The following ANKRD62 variants were observed in gnomAD, a reference collection of about 807,000 sequenced individuals.
ANKRD62 encodes the protein ankyrin repeat domain-containing protein 62.
Under a neutral mutation model 98.8 loss-of-function variants are expected in ANKRD62, and 61 were observed. The ratio of observed to expected loss-of-function variants is 0.62; its 90% CI spans 0.50 to 0.76. The LOEUF (loss-of-function observed/expected upper bound fraction) is 0.76, where lower values mean the gene tolerates loss of function less well. ANKRD62 is among the 30% of genes least tolerant of loss of function. The probability of loss-of-function intolerance (pLI) is 0.00; values close to 1 mark genes in which losing one functional copy is unlikely to be tolerated. For synonymous variants in ANKRD62, 341 were observed against 367.9 expected, an observed-to-expected ratio of 0.93 and a Z score of 0.84; for missense variants, 933 against 1,082.9, an observed-to-expected ratio of 0.86 and a Z score of 1.94.
At chr18:12,152,148 A>G in the ANKRD62 span, among the ~76,000 whole-genome samples, 1 of 137,938 alleles carries the variant, frequency 7.2e-6, no homozygotes. Flanking sequence ...CACAAAAAAG[A>G]GCTGATACCA....
At chr18:12,099,146 A>G (rs1292619968) in intron 5 of ANKRD62, among the ~76,000 whole-genome samples, 1 of 152,258 alleles carries the variant, frequency 6.6e-6, no homozygotes, top group Non-Finnish European at 1.5e-5. Flanking sequence ...GTGAAAATAC[A>G]CATTGGGTTT....
At chr18:12,095,350 T>TTCTCATTGAATTAATTAATAG (rs1310566723) in intron 2 of ANKRD62, 65 bp downstream of exon 2, 1 of 1,529,546 alleles carries the variant, frequency 6.5e-7, no homozygotes, top group Non-Finnish European at 8.8e-7. Flanking sequence ...ATAAAATTAA[T>TTCTCATTGAATTAATTAATAG]TCACCTCATT....
the ANKRD62 span, among the ~76,000 whole-genome samples, chr18:12,166,508 A>G: frequency 1.3e-5 from 2 of 152,078 alleles, no homozygotes; most frequent in Non-Finnish European, 2.9e-5. Context: ...AAATTTATCT[A>G]ATAAAATTCT....
chr18:12,098,163 C>T (rs551227002), intron 5 of ANKRD62, among the ~76,000 whole-genome samples: 1 of 152,226 alleles, frequency 6.6e-6, no homozygotes, highest in Admixed American at 6.5e-5. Flanking sequence ...TCTTATGTAG[C>T]AGCTTTTCTT....
chr18:12,164,979 A>T, the ANKRD62 span, among the ~76,000 whole-genome samples: 1 of 151,996 alleles, frequency 6.6e-6, no homozygotes. Flanking sequence ...GTGCATATGT[A>T]CTTAGAACCA....
At chr18:12,099,483 G>A (rs1347762705) in intron 5 of ANKRD62, 132 bp from the exon 6 acceptor site, 17 of 498,858 alleles carry the variant, frequency 3.4e-5, no homozygotes, top group East Asian at 1.3e-4. Context: ...GTTTTGTAGA[G>A]CTTACAAACT....
the ANKRD62 span, among the ~76,000 whole-genome samples, chr18:12,168,383 A>G: frequency 6.6e-6 from 1 of 152,142 alleles, no homozygotes; most frequent in African/African-American, 2.4e-5. Context: ...ACCATTTATT[A>G]AATAGGGAAT....
Position 12,093,897 on chromosome 18 carries a change from C to G in ANKRD62, c.-121C>G, listed in dbSNP as rs992956876. 3.2e-5 allele frequency: 28 copies of G among 887,166 alleles called. No individual in the cohort carries two copies. The Admixed American group carries it at 5.8e-4, about 18-fold the overall frequency. The allele number at this position is 887,166 out of a possible 1,614,324, so 55.0% of individuals were successfully genotyped here. ...CAGCTGGAGACTGGAGTGTCCCTGA[C>G]GGAGGTTGCGGCTGGACCTGGTTAC... On this transcript the variant is annotated 5_prime_UTR_variant, in exon 1 of 14. Transcript: ENST00000587848.
At chr18:12,139,096 C>T in the ANKRD62 span, among the ~76,000 whole-genome samples, 1 of 152,064 alleles carries the variant, frequency 6.6e-6, no homozygotes, top group Non-Finnish European at 1.5e-5. Flanking sequence ...ATGATGTTAG[C>T]TGGTTATTTT....
rs542190001 is a variant in ANKRD62, at chr18:12,106,774, T to C, written c.892-521T>C. 3.9e-5 allele frequency among the ~76,000 whole-genome samples: 6 copies of C among 152,250 alleles called. No individual in the cohort carries two copies. In the South Asian group the frequency reaches 1.2e-3, roughly 32 times the overall value. ...TGTATTTCAGCAAGCACCTTCACAT[T>C]TTCAGTATCCTAGGATCCAAAGGGA... On this transcript the variant is annotated intron_variant, in intron 7 of 13. Transcript: ENST00000587848.
the ANKRD62 span, among the ~76,000 whole-genome samples, chr18:12,169,689 G>T: frequency 6.6e-6 from 1 of 152,002 alleles, no homozygotes; most frequent in Non-Finnish European, 1.5e-5. Flanking sequence ...TATTGATAGG[G>T]GTAGTTTCAG....
the ANKRD62 span, among the ~76,000 whole-genome samples, chr18:12,173,940 C>T: frequency 2.0e-5 from 3 of 152,154 alleles, no homozygotes; most frequent in Non-Finnish European, 4.4e-5. Context: ...TTCATTTCAA[C>T]CTTGGAGAGT....
Position 12,127,763 on chromosome 18 carries a change from C to A in ANKRD62, c.2578C>A (p.Leu860Ile). 7.0e-7 allele frequency: 1 copy of A among 1,424,966 alleles called. No homozygotes were observed. 88.3% of individuals were successfully genotyped at this position (1,424,966 alleles called of 1,614,324 possible). Residue 860 changes from leucine (L) to isoleucine (I), a missense_variant, in exon 14 of 14, where the codon CTT becomes ATT. This residue lies in a region of ANKRD62 where 362 missense variants were observed against 434.5 expected (regional missense o/e 0.83). Transcript: ENST00000587848. ...KEEREVVRRQ[L>I]QREVDDALNK... ...ATCTTACCAGGTAGTCAGGAGACAG[C>A]TTCAACGAGAAGTGGATGATGCCCT...
chr18:12,164,831 T>C, the ANKRD62 span, among the ~76,000 whole-genome samples: 1 of 152,008 alleles, frequency 6.6e-6, no homozygotes, highest in African/African-American at 2.4e-5. Flanking sequence ...GTCTGATTTT[T>C]CTTTGTCAAT....
chr18:12,161,594 C>T, the ANKRD62 span, among the ~76,000 whole-genome samples: 2 of 152,026 alleles, frequency 1.3e-5, no homozygotes, highest in East Asian at 3.9e-4. Context: ...CTATAGTCAC[C>T]CTGTTGTGCT....
In ANKRD62 at chr18:12,125,519, T is replaced by C; in HGVS notation, c.1698T>C (p.Asp566=). The change falls in exon 13 of 14, where the codon GAT becomes GAC. Residue 566 remains aspartate, a synonymous_variant. Transcript: ENST00000587848. ...DLWQENHLMR[D]EIARLRLEID... Reference sequence around the variant, plus strand: ...GGCAGGAAAATCACTTGATGCGGGATGAAATTGCCAGACTCAGGCTGGAAA... The same window carrying C: ...GGCAGGAAAATCACTTGATGCGGGACGAAATTGCCAGACTCAGGCTGGAAA... 1.3e-6 allele frequency: 2 copies of C among 1,503,010 alleles called. No individual in the cohort carries two copies. The highest frequency in any genetic ancestry group is 2.6e-5 in the South Asian group (2 of 76,680). The allele number at this position is 1,503,010 out of a possible 1,614,324, so 93.1% of individuals were successfully genotyped here.
downstream of ANKRD62, among the ~76,000 whole-genome samples, chr18:12,131,952 A>G (rs1910012244): frequency 6.6e-6 from 1 of 152,100 alleles, no homozygotes; most frequent in South Asian, 2.1e-4. Context: ...TCTACATGCC[A>G]TGAGAGTCTT....
the ANKRD62 span, among the ~76,000 whole-genome samples, chr18:12,138,227 G>C: frequency 1.3e-5 from 2 of 152,210 alleles, no homozygotes; most frequent in Non-Finnish European, 2.9e-5. Flanking sequence ...ATGTGTCCCA[G>C]AGATTCTGGT....
the ANKRD62 span, among the ~76,000 whole-genome samples, chr18:12,150,309 A>G: frequency 6.6e-6 from 1 of 152,226 alleles, no homozygotes; most frequent in Non-Finnish European, 1.5e-5. Flanking sequence ...GACTATATAA[A>G]GAGGCCAAGT....
Sources: allele counts gnomAD v4.1 joint callset (sites outside exome capture counted in the v4.1 genomes callset), GRCh38; gene constraint gnomAD v4.1.1; regional missense constraint gnomAD v4.1.1; transcripts MANE v1.5; gene names NCBI Gene and HGNC (gene_info 2026-07-23, HGNC 2026-07-21).